Variants in PPP6R3 observed in about 807,000 individuals in gnomAD.
PPP6R3 encodes the protein serine/threonine-protein phosphatase 6 regulatory subunit 3.
In PPP6R3, 38 loss-of-function variants were observed where a neutral mutation model predicts 110.7. The ratio of observed to expected loss-of-function variants is 0.34; its 90% CI spans 0.26 to 0.45. The LOEUF is 0.45. PPP6R3 is among the 20% of genes least tolerant of loss of function. The pLI is 1.00. For missense variants in PPP6R3, 870 were observed against 1,062.4 expected (o/e 0.82, Z 2.52); for synonymous variants, 369 against 373.5 (o/e 0.99, Z 0.14).
At chr11:68,498,874 T>A (rs940026388) in intron 1 of PPP6R3, among the ~76,000 whole-genome samples, 3 of 152,214 alleles carry the variant, frequency 2.0e-5, no homozygotes, top group Non-Finnish European at 2.9e-5. Context: ...GAGGTATATG[T>A]ATAGTAGTGG....
chr11:68,465,219 A>G (rs1009292391), intron 1 of PPP6R3, among the ~76,000 whole-genome samples: 42 of 152,178 alleles, frequency 2.8e-4, no homozygotes, highest in African/African-American at 1.0e-3. Context: ...ACCTATTCCC[A>G]GAGAATTAGC....
intron 2 of PPP6R3, among the ~76,000 whole-genome samples, chr11:68,527,866 G>A (rs2099208666): frequency 6.6e-6 from 1 of 152,184 alleles, no homozygotes; most frequent in Admixed American, 6.5e-5. Context: ...TGAAGCTACT[G>A]GGTCTTCCTG....
At chr11:68,503,925 A>T (rs1271483695) in intron 1 of PPP6R3, among the ~76,000 whole-genome samples, 4 of 152,210 alleles carry the variant, frequency 2.6e-5, no homozygotes, top group African/African-American at 9.6e-5. Context: ...TGCATTGTTG[A>T]CCAGGTGTGT....
At chr11:68,580,390 A>AG (rs2099548722) in intron 14 of PPP6R3, among the ~76,000 whole-genome samples, 1 of 152,206 alleles carries the variant, frequency 6.6e-6, no homozygotes, top group African/African-American at 2.4e-5. Flanking sequence ...ACAGACTGCT[A>AG]GGTGGGGCAA....
At chr11:68,556,144 C>T (rs565087747) in intron 7 of PPP6R3, among the ~76,000 whole-genome samples, 3 of 152,082 alleles carry the variant, frequency 2.0e-5, no homozygotes, top group Admixed American at 6.5e-5. Context: ...CATAGCTTGC[C>T]GAGCTCTATA....
chr11:68,499,999 G>A (rs1307690563), intron 1 of PPP6R3, among the ~76,000 whole-genome samples: 1 of 152,064 alleles, frequency 6.6e-6, no homozygotes, highest in East Asian at 1.9e-4. Context: ...TTGAGGTGAA[G>A]GAGTTCTATT....
rs1406711942 is a variant in PPP6R3 at position 68,583,158 on chromosome 11, G to GT, written c.1632+34dup. ...AGTCACGCCTAAAGCTTTGCTTTTTGTTTTTATTTTAAATGCTTAGTTTAG... is the reference window on the plus strand; with the variant it reads ...AGTCACGCCTAAAGCTTTGCTTTTTGTTTTTTATTTTAAATGCTTAGTTTAG... On this transcript the variant is annotated intron_variant, in intron 15 of 23. Transcript: ENST00000393800. 3.6e-5 allele frequency: 52 copies of GT among 1,462,708 alleles called. No individual in the cohort carries two copies. In the East Asian group the frequency reaches 1.3e-3, roughly 36 times the overall value. 90.6% of individuals were successfully genotyped at this position (1,462,708 alleles called of 1,614,324 possible).
At chr11:68,518,274 A>C (rs997940223) in intron 1 of PPP6R3, among the ~76,000 whole-genome samples, 1 of 152,252 alleles carries the variant, frequency 6.6e-6, no homozygotes, top group African/African-American at 2.4e-5. Flanking sequence ...AATTATCACC[A>C]ATAATGGGGC....
intron 1 of PPP6R3, among the ~76,000 whole-genome samples, chr11:68,464,718 A>T (rs192491117): frequency 1.9e-4 from 29 of 152,226 alleles, no homozygotes; most frequent in African/African-American, 6.7e-4. Context: ...TCTTAACCTC[A>T]TGAAAATACA....
At chr11:68,589,832 T>C (rs781770226) in intron 16 of PPP6R3, among the ~76,000 whole-genome samples, 1 of 152,238 alleles carries the variant, frequency 6.6e-6, no homozygotes, top group Non-Finnish European at 1.5e-5. Flanking sequence ...CACAGTGGAA[T>C]GGAGGTGCCG....
At chr11:68,529,565 G>A (rs2099224650) in intron 2 of PPP6R3, among the ~76,000 whole-genome samples, 1 of 152,174 alleles carries the variant, frequency 6.6e-6, no homozygotes, top group Non-Finnish European at 1.5e-5. Context: ...AACCAGTGAT[G>A]ACCCACCTGT....
intron 19 of PPP6R3, among the ~76,000 whole-genome samples, chr11:68,600,070 G>A (rs549637393): frequency 6.6e-6 from 1 of 151,952 alleles, no homozygotes. Flanking sequence ...TGCAGTGAGC[G>A]GAGATCGTGC....
At chr11:68,606,451 C>T (rs545857225) in intron 22 of PPP6R3, among the ~76,000 whole-genome samples, 57 of 151,556 alleles carry the variant, frequency 3.8e-4, no homozygotes, top group Non-Finnish European at 7.4e-4. Context: ...TACAGGCACA[C>T]GCCACCATGC....
intron 17 of PPP6R3, among the ~76,000 whole-genome samples, chr11:68,590,991 A>C (rs1169502529): frequency 2.0e-5 from 3 of 152,194 alleles, no homozygotes; most frequent in Non-Finnish European, 4.4e-5. Context: ...GTTTGACACC[A>C]ACCCACTGCC....
intron 22 of PPP6R3, 39 bp downstream of exon 22, chr11:68,603,531 T>C (rs895650534): frequency 1.2e-6 from 2 of 1,612,694 alleles, no homozygotes; most frequent in Non-Finnish European, 1.7e-6. Context: ...CTTCAGGTTA[T>C]TGGGAGGATG....
chr11:68,542,397 T>TTTGTTTTTG (rs1457109092), intron 3 of PPP6R3, among the ~76,000 whole-genome samples: 1 of 111,100 alleles, frequency 9.0e-6, no homozygotes, highest in African/African-American at 3.6e-5. Flanking sequence ...CTGTTTTTTT[T>TTTGTTTTTG]TTTTTTTTTT....
At chr11:68,504,476 A>G (rs747294029) in intron 1 of PPP6R3, among the ~76,000 whole-genome samples, 2 of 152,126 alleles carry the variant, frequency 1.3e-5, no homozygotes, top group African/African-American at 4.8e-5. Context: ...ATTCTTTCCT[A>G]TTTCATATAT....
intron 2 of PPP6R3, among the ~76,000 whole-genome samples, chr11:68,528,377 C>G (rs573773289): frequency 1.4e-5 from 2 of 144,948 alleles, no homozygotes; most frequent in South Asian, 2.2e-4. Flanking sequence ...ACCCTCTTCT[C>G]TAAAGAAATA....
At chr11:68,550,144 T>G (rs2099365167) in intron 5 of PPP6R3, among the ~76,000 whole-genome samples, 1 of 152,198 alleles carries the variant, frequency 6.6e-6, no homozygotes, top group Non-Finnish European at 1.5e-5. Context: ...AGAATATACA[T>G]TTGAACAAGA....
Sources: gnomAD v4.1 joint callset for allele counts (sites outside exome capture counted in the v4.1 genomes callset) on GRCh38, gnomAD v4.1.1 for gene constraint, MANE v1.5 for transcripts, NCBI Gene and HGNC (gene_info 2026-07-23, HGNC 2026-07-21) for gene names.